The following RBFOX1 variants were observed in gnomAD, a reference collection of about 807,000 sequenced individuals.
RBFOX1 encodes the protein RNA binding protein fox-1 homolog 1.
In RBFOX1, 8 loss-of-function variants were observed where a neutral mutation model predicts 57.7. The ratio of observed to expected loss-of-function variants is 0.14; its 90% CI spans 0.08 to 0.25. RBFOX1 has a LOEUF of 0.25. RBFOX1 is among the 10% of genes least tolerant of loss of function. The pLI, the probability that RBFOX1 is intolerant of heterozygous loss-of-function variation, is 1.00. For missense variants in RBFOX1, 611 were observed against 548.5 expected (o/e 1.11, Z -1.14); for synonymous variants, 326 against 222.4 (o/e 1.47, Z -4.15).
rs78928459 is a variant in RBFOX1 at position 5,274,718 on chromosome 16, C to T, written c.219+34613C>T. Among the ~76,000 whole-genome samples the T allele has an allele frequency of 5.3e-5, 8 of 152,246 alleles. No individual in the cohort carries two copies. In the East Asian group the frequency reaches 1.4e-3, roughly 26 times the overall value. On this transcript the variant is annotated intron_variant, in intron 1 of 2. Coordinates refer to the RBFOX1 transcript ENST00000585867. The stretch of plus-strand genomic sequence containing the variant: ...TGGGTTATTTTGCCTAGACTATGGC[C>T]GCAGGAGCCACCTCTCAGTCCCTTG...
intron 1 of RBFOX1, among the ~76,000 whole-genome samples, chr16:6,119,334 C>T (rs1374908447): frequency 6.6e-6 from 1 of 152,074 alleles, no homozygotes; most frequent in Non-Finnish European, 1.5e-5. Context: ...GGAAGGGATG[C>T]CACAAAAGTG....
intron 2 of RBFOX1, among the ~76,000 whole-genome samples, chr16:6,441,602 C>T (rs1347630223): frequency 6.6e-6 from 1 of 151,980 alleles, no homozygotes; most frequent in African/African-American, 2.4e-5. Flanking sequence ...AATTTTAGTA[C>T]AGACGGGGTT....
intron 4 of RBFOX1, among the ~76,000 whole-genome samples, chr16:7,238,221 G>T (rs1196045611): frequency 2.0e-5 from 3 of 152,150 alleles, no homozygotes; most frequent in Admixed American, 2.0e-4. Flanking sequence ...AATTGGTACA[G>T]AGTTTCAGTT....
At chr16:6,751,935 A>C (rs1357168957) in intron 3 of RBFOX1, among the ~76,000 whole-genome samples, 1 of 152,158 alleles carries the variant, frequency 6.6e-6, no homozygotes, top group African/African-American at 2.4e-5. Flanking sequence ...CCAGGCTTTA[A>C]CAAACAATAT....
chr16:6,842,426 G>C (rs1437134188), intron 3 of RBFOX1, among the ~76,000 whole-genome samples: 2 of 152,060 alleles, frequency 1.3e-5, no homozygotes, highest in Admixed American at 6.5e-5. Context: ...CACTGTTTGG[G>C]CAACTTTGCT....
intron 4 of RBFOX1, among the ~76,000 whole-genome samples, chr16:5,989,999 T>C (rs760263095): frequency 1.3e-5 from 2 of 152,064 alleles, no homozygotes; most frequent in Non-Finnish European, 2.9e-5. Flanking sequence ...GCCTTTTTGT[T>C]TGTTGGTTAG....
intron 3 of RBFOX1, among the ~76,000 whole-genome samples, chr16:6,744,155 A>G (rs2073009887): frequency 6.6e-6 from 1 of 152,174 alleles, no homozygotes; most frequent in Admixed American, 6.5e-5. Context: ...TAATTTCACA[A>G]TGGAAAAGGT....
At chr16:7,470,451 G>A (rs562346740) in intron 4 of RBFOX1, among the ~76,000 whole-genome samples, 5 of 151,846 alleles carry the variant, frequency 3.3e-5, no homozygotes, top group Admixed American at 3.3e-4. Context: ...ATGAGTGGGT[G>A]GGTGGATGAG....
At chr16:6,705,678 A>G (rs1019253) in intron 3 of RBFOX1, 74,062 of 152,004 alleles carry the variant, frequency 0.49, 19,230 homozygotes, top group East Asian at 0.76. Flanking sequence ...CAACAAAGCC[A>G]CTGTGATAGA....
At chr16:6,282,414 G>C (rs988907776) in intron 1 of RBFOX1, among the ~76,000 whole-genome samples, 1 of 146,048 alleles carries the variant, frequency 6.8e-6, no homozygotes, top group East Asian at 2.0e-4. Flanking sequence ...TGTTCAGAGA[G>C]AGTGTGCAAG....
intron 4 of RBFOX1, among the ~76,000 whole-genome samples, chr16:7,197,998 C>CTTTTTTTTTTTTTT (rs945404947): frequency 3.6e-5 from 2 of 55,592 alleles, no homozygotes; most frequent in Non-Finnish European, 3.2e-5. Context: ...TTCTTTCTTT[C>CTTTTTTTTTTTTTT]TTTTTTTTTT....
chr16:5,844,875 A>C (rs1182334868), intron 3 of RBFOX1, among the ~76,000 whole-genome samples: 1 of 152,154 alleles, frequency 6.6e-6, no homozygotes, highest in Non-Finnish European at 1.5e-5. Flanking sequence ...GACCCATTCC[A>C]AAAAGAAACA....
chr16:6,660,378 A>G (rs1417020842), intron 3 of RBFOX1, among the ~76,000 whole-genome samples: 1 of 152,182 alleles, frequency 6.6e-6, no homozygotes, highest in Non-Finnish European at 1.5e-5. Flanking sequence ...CACATCCCGC[A>G]CATGTACCCC....
At chr16:7,698,953 C>G (rs530133957) in intron 14 of RBFOX1, among the ~76,000 whole-genome samples, 1 of 152,226 alleles carries the variant, frequency 6.6e-6, no homozygotes, top group African/African-American at 2.4e-5. Context: ...GTGCTGTATC[C>G]ATGCATGCAG....
chr16:7,699,277 G>T (rs2079849418), intron 14 of RBFOX1, among the ~76,000 whole-genome samples: 2 of 82,830 alleles, frequency 2.4e-5, no homozygotes, highest in Non-Finnish European at 6.0e-5. Context: ...TGTAATCCTG[G>T]ACCTCCTGGG....
chr16:7,326,873 C>G (rs1603622702), intron 4 of RBFOX1, among the ~76,000 whole-genome samples: 2 of 152,170 alleles, frequency 1.3e-5, no homozygotes, highest in African/African-American at 2.4e-5. Context: ...GGGCCCCTGG[C>G]AGCCCCTCCA....
intron 2 of RBFOX1, among the ~76,000 whole-genome samples, chr16:6,653,636 GA>G (rs1336403047): frequency 6.6e-6 from 1 of 151,992 alleles, no homozygotes; most frequent in African/African-American, 2.4e-5. Context: ...TGGATGGATG[GA>G]TGAATGGATG....
chr16:7,420,979 T>C (rs2098537445), intron 4 of RBFOX1, among the ~76,000 whole-genome samples: 1 of 144,804 alleles, frequency 6.9e-6, no homozygotes. Context: ...ATATATGTAG[T>C]CCTGCGCTTT....
intron 4 of RBFOX1, among the ~76,000 whole-genome samples, chr16:7,113,846 G>C (rs1261458818): frequency 6.6e-6 from 1 of 152,052 alleles, no homozygotes; most frequent in Non-Finnish European, 1.5e-5. Flanking sequence ...CCACTACCAA[G>C]TTTTCACAGT....
Sources: gnomAD v4.1 joint callset for allele counts (sites outside exome capture counted in the v4.1 genomes callset) on GRCh38, gnomAD v4.1.1 for gene constraint, MANE v1.5 for transcripts, NCBI Gene and HGNC (gene_info 2026-07-23, HGNC 2026-07-21) for gene names.